The following XPR1 variants were observed in gnomAD, a reference collection of about 807,000 sequenced individuals.
The protein encoded by XPR1 is solute carrier family 53 member 1.
In XPR1, 28 loss-of-function variants were observed where a neutral mutation model predicts 87.5. The ratio of observed to expected loss-of-function variants is 0.32; its 90% CI spans 0.24 to 0.44. The LOEUF is 0.44. XPR1 is among the 20% of genes least tolerant of loss of function. The pLI is 1.00. For missense variants in XPR1, 559 were observed against 862.3 expected (o/e 0.65, Z 4.41); for synonymous variants, 300 against 306.1 (o/e 0.98, Z 0.21).
intron 1 of XPR1, among the ~76,000 whole-genome samples, chr1:180,670,351 C>T (rs1656126896): frequency 6.6e-6 from 1 of 151,962 alleles, no homozygotes; most frequent in Non-Finnish European, 1.5e-5. Context: ...GAAATGTTTA[C>T]ATTTCTTTTT....
intron 1 of XPR1, among the ~76,000 whole-genome samples, chr1:180,650,037 ACTCT>A (rs1655244335): frequency 6.6e-6 from 1 of 151,118 alleles, no homozygotes; most frequent in South Asian, 2.1e-4. Context: ...CTGTCAGTTT[ACTCT>A]CTCTCTGCTG....
At chr1:180,795,907 A>T (rs987611929) in intron 3 of XPR1, among the ~76,000 whole-genome samples, 1 of 152,132 alleles carries the variant, frequency 6.6e-6, no homozygotes, top group South Asian at 2.1e-4. Flanking sequence ...TCCCAGGTTC[A>T]AGCAATTTTC....
intron 3 of XPR1, among the ~76,000 whole-genome samples, chr1:180,799,166 T>G (rs571242550): frequency 6.6e-6 from 1 of 152,318 alleles, no homozygotes; most frequent in South Asian, 2.1e-4. Flanking sequence ...ATTGTTGTAT[T>G]CCTCTGATGG....
At chr1:180,875,064 A>T (rs1281001135) in intron 13 of XPR1, among the ~76,000 whole-genome samples, 1 of 152,218 alleles carries the variant, frequency 6.6e-6, no homozygotes, top group African/African-American at 2.4e-5. Flanking sequence ...TAGAACATTT[A>T]CCAAAATTAA....
intron 2 of XPR1, among the ~76,000 whole-genome samples, chr1:180,706,073 A>G (rs992924453): frequency 6.6e-6 from 1 of 152,218 alleles, no homozygotes; most frequent in Admixed American, 6.5e-5. Flanking sequence ...AAAATGAAGC[A>G]TGGAGGGTTA....
At chr1:180,789,913 C>A (rs535065675) in intron 3 of XPR1, among the ~76,000 whole-genome samples, 1 of 152,118 alleles carries the variant, frequency 6.6e-6, no homozygotes, top group African/African-American at 2.4e-5. Flanking sequence ...TTTGTTGTTG[C>A]ACCTGTAACT....
chr1:180,826,582 T>C (rs796751993), intron 9 of XPR1, among the ~76,000 whole-genome samples: 17 of 152,176 alleles, frequency 1.1e-4, no homozygotes, highest in African/African-American at 3.9e-4. Context: ...ACAAAGAAAG[T>C]AAATCAATTG....
rs572205655 is a variant in XPR1, at chr1:180,796,072, T to A, written c.224-7316T>A. Among the ~76,000 whole-genome samples the A allele has an allele frequency of 8.3e-4, 127 of 152,276 alleles. 1 individual carries two copies. In the South Asian group the frequency reaches 1.0e-2, roughly 12 times the overall value. ...ATCCACTCACCTCGGCCTCCAAAAG[T>A]GCTGGGATTACAGGCGTGAGCGACT... On this transcript the variant is annotated intron_variant, in intron 3 of 14. Coordinates refer to ENST00000367590, the MANE Select transcript of XPR1 (RefSeq NM_004736.4).
At position 180,834,950 on chromosome 1, in the gene XPR1, C is replaced by G; in HGVS notation, c.1211C>G (p.Ser404Ter). The G allele has an allele frequency of 6.2e-7, 1 of 1,613,964 alleles. No homozygotes were observed. Among genetic ancestry groups the G allele is most frequent in the Non-Finnish European group, 8.5e-7 (1 of 1,180,002 alleles). Reference protein sequence around the residue: ...FWLADQLNSLSVILMDLEYMI... With the variant: ...FWLADQLNSL ...CTGGCGGATCAGCTGAACAGCCTGT[C>G]AGTGATACTGATGGACCTGGAATAT... Residue 404 changes from serine (S) to a stop codon, truncating the protein, a stop_gained, in exon 10 of 15, where the codon TCA becomes TGA. Coordinates refer to ENST00000367590, the MANE Select transcript of XPR1 (RefSeq NM_004736.4). LOFTEE classifies it high-confidence loss of function.
In XPR1 at chr1:180,697,994, G is replaced by C. The variant is rs572682359; in HGVS notation, c.121+15583G>C. On this transcript the variant is annotated intron_variant, in intron 2 of 14. Transcript: ENST00000367590. ...TTAAGTGCAGTTAAGATGTTTATTT[G>C]TTTATTTTCTGTCGAGATGATTGAT... Among the ~76,000 whole-genome samples, 58 of 152,144 alleles carry C rather than the reference G, an allele frequency of 3.8e-4. 1 individual carries two copies. The highest frequency in any genetic ancestry group is 1.4e-3 in the African/African-American group (57 of 41,548).
intron 2 of XPR1, among the ~76,000 whole-genome samples, chr1:180,743,070 C>CA (rs1275359098): frequency 2.0e-5 from 3 of 152,010 alleles, no homozygotes; most frequent in African/African-American, 7.2e-5. Flanking sequence ...TTAAAAAACT[C>CA]ATTGTGACAG....
At chr1:180,758,336 C>T (rs181304057) in intron 2 of XPR1, among the ~76,000 whole-genome samples, 24 of 151,606 alleles carry the variant, frequency 1.6e-4, no homozygotes, top group East Asian at 1.2e-3. Flanking sequence ...TTACCAGAGA[C>T]GGGGAAGGGG....
rs188688080 is a variant in XPR1, at chr1:180,725,520, A to G, written c.121+43109A>G. On this transcript the variant is annotated intron_variant, in intron 2 of 14. Transcript: ENST00000367590. The stretch of plus-strand genomic sequence containing the variant: ...AACCTTTCTAGTATTGTTGTACTTA[A>G]TTATTTTTTATCCTTCACTGTTTGG... Among the ~76,000 whole-genome samples the G allele has an allele frequency of 1.2e-3, 176 of 152,320 alleles. 1 individual carries two copies. Among genetic ancestry groups the G allele is most frequent in the Non-Finnish European group, 2.0e-3 (136 of 68,026 alleles).
rs561508364 is a variant in XPR1, at chr1:180,887,503, A to G, written c.*3437A>G. 4 of 152,394 alleles carry G rather than the reference A, an allele frequency of 2.6e-5. No homozygotes were observed. In the East Asian group the frequency reaches 7.7e-4, roughly 29 times the overall value. The allele number at this position is 152,394 out of a possible 1,614,324, so 9.4% of individuals were successfully genotyped here. A position where few individuals can be genotyped will look rare whatever the true frequency, so the allele number is the denominator to read the frequency against. ...TTACAGTGGCGTAATTGGTGATTTC[A>G]TAGCATACAGAGAAACAATGAAATC... On this transcript the variant is annotated 3_prime_UTR_variant, in exon 15 of 15. Transcript: ENST00000367590.
intron 11 of XPR1, among the ~76,000 whole-genome samples, chr1:180,839,131 G>A (rs1651412439): frequency 6.6e-6 from 1 of 152,270 alleles, no homozygotes; most frequent in South Asian, 2.1e-4. Flanking sequence ...TATGAGTTCA[G>A]TGAGTTATTT....
chr1:180,683,200 G>A (rs1293363510), intron 2 of XPR1, among the ~76,000 whole-genome samples: 1 of 150,116 alleles, frequency 6.7e-6, no homozygotes, highest in Non-Finnish European at 1.5e-5. Flanking sequence ...CCACCTATGA[G>A]TGAGAACATG....
intron 1 of XPR1, among the ~76,000 whole-genome samples, chr1:180,649,469 G>C (rs758005397): frequency 6.6e-6 from 1 of 151,930 alleles, no homozygotes; most frequent in African/African-American, 2.4e-5. Context: ...TTAAAGATGC[G>C]TAACTAAATA....
Position 180,803,619 on chromosome 1 carries a change from G to C in XPR1, c.447+8G>C, listed in dbSNP as rs750551646. On this transcript the variant is annotated splice_region_variant and intron_variant, in intron 4 of 14. Coordinates refer to ENST00000367590, the MANE Select transcript of XPR1 (RefSeq NM_004736.4). Reference sequence around the variant, plus strand: ...CTGCTGCAGAACTATCAGGTACTTAGATTCTTACCCTAGAAAATGGCACCT... The same window carrying C: ...CTGCTGCAGAACTATCAGGTACTTACATTCTTACCCTAGAAAATGGCACCT... The C allele has an allele frequency of 1.2e-6, 2 of 1,603,608 alleles. No homozygotes were observed. Among genetic ancestry groups the C allele is most frequent in the South Asian group, 1.1e-5 (1 of 90,094 alleles).
chr1:180,843,697 T>TA (rs557074080), intron 11 of XPR1, among the ~76,000 whole-genome samples: 350 of 141,638 alleles, frequency 2.5e-3, no homozygotes, highest in Middle Eastern at 7.4e-3. Flanking sequence ...GAAAAGTCTT[T>TA]AAAAAAAAAA....
Sources: allele counts gnomAD v4.1 joint callset (sites outside exome capture counted in the v4.1 genomes callset), GRCh38; gene constraint gnomAD v4.1.1; transcripts MANE v1.5; gene names NCBI Gene and HGNC (gene_info 2026-07-23, HGNC 2026-07-21).